Variants in TENM3 observed in about 807,000 individuals in gnomAD.
TENM3 encodes the protein teneurin transmembrane protein 3.
In TENM3, 63 loss-of-function variants were observed where a neutral mutation model predicts 255.1. The ratio of observed to expected loss-of-function variants is 0.25; its 90% CI spans 0.20 to 0.30. The LOEUF (loss-of-function observed/expected upper bound fraction) is 0.30, where lower values mean the gene tolerates loss of function less well. TENM3 is among the 10% of genes least tolerant of loss of function. TENM3 has a pLI of 1.00. For synonymous variants in TENM3, 1,306 were observed against 1,322.3 expected (o/e 0.99, Z 0.27); for missense variants, 2,929 against 3,461.1 (o/e 0.85, Z 3.86).
At chr4:181,733,207 T>C in the TENM3 span, among the ~76,000 whole-genome samples, 1 of 152,174 alleles carries the variant, frequency 6.6e-6, no homozygotes, top group East Asian at 1.9e-4. Flanking sequence ...TGAAGACAGA[T>C]AAATGAAGAA....
the TENM3 span, among the ~76,000 whole-genome samples, chr4:181,593,733 T>C: frequency 6.6e-6 from 1 of 152,222 alleles, no homozygotes; most frequent in Non-Finnish European, 1.5e-5. Flanking sequence ...AAGCTTTTCT[T>C]AGTCCAGCCT....
At chr4:181,849,930 T>TTCTCTCTCTCTCTCTCTCTC in the TENM3 span, among the ~76,000 whole-genome samples, 7 of 84,106 alleles carry the variant, frequency 8.3e-5, no homozygotes, top group African/African-American at 2.4e-4. Context: ...CTCTCTCTCT[T>TTCTCTCTCTCTCTCTCTCTC]TCTCTCTCTC....
At chr4:182,538,349 A>G (rs1054567266) in intron 3 of TENM3, among the ~76,000 whole-genome samples, 2 of 152,240 alleles carry the variant, frequency 1.3e-5, no homozygotes, top group African/African-American at 2.4e-5. Flanking sequence ...ATAAATGTCA[A>G]GTCACCACTC....
chr4:182,475,245 A>G (rs992374368), intron 3 of TENM3, among the ~76,000 whole-genome samples: 6 of 152,190 alleles, frequency 3.9e-5, no homozygotes, highest in African/African-American at 9.6e-5. Flanking sequence ...TTAGATGCCT[A>G]TGCCTAAGTT....
the TENM3 span, among the ~76,000 whole-genome samples, chr4:181,741,291 T>A: frequency 2.6e-5 from 4 of 152,202 alleles, no homozygotes; most frequent in African/African-American, 9.6e-5. Flanking sequence ...CATACCACAT[T>A]CATTCATCAT....
intron 6 of TENM3, among the ~76,000 whole-genome samples, chr4:182,665,087 C>T (rs917074699): frequency 3.9e-5 from 6 of 152,136 alleles, no homozygotes; most frequent in African/African-American, 1.4e-4. Context: ...GTTTTCATAG[C>T]TAGAGAGGAG....
intron 3 of TENM3, among the ~76,000 whole-genome samples, chr4:182,448,053 G>C (rs1773072690): frequency 6.6e-6 from 1 of 152,224 alleles, no homozygotes; most frequent in Non-Finnish European, 1.5e-5. Context: ...TCCGGATCAG[G>C]GCTGTCCAGC....
the TENM3 span, among the ~76,000 whole-genome samples, chr4:181,661,091 A>G: frequency 7.9e-5 from 12 of 152,202 alleles, no homozygotes; most frequent in Admixed American, 7.2e-4. Context: ...ACATTTCTCA[A>G]CAATATCAAG....
intron 1 of TENM3, among the ~76,000 whole-genome samples, chr4:182,249,623 T>TC (rs1419036343): frequency 6.6e-6 from 1 of 151,914 alleles, no homozygotes; most frequent in Non-Finnish European, 1.5e-5. Context: ...GAAATGTACG[T>TC]CCCCCCACAG....
At chr4:181,605,875 C>G in the TENM3 span, among the ~76,000 whole-genome samples, 1 of 152,158 alleles carries the variant, frequency 6.6e-6, no homozygotes, top group Non-Finnish European at 1.5e-5. Flanking sequence ...TAAATTTTGA[C>G]TTGATTTTTC....
chr4:182,656,152 A>G (rs1467687263), intron 6 of TENM3, among the ~76,000 whole-genome samples: 3 of 152,162 alleles, frequency 2.0e-5, no homozygotes, highest in Non-Finnish European at 2.9e-5. Context: ...CTAGATGTGT[A>G]AAAGTCTCCT....
intron 24 of TENM3, among the ~76,000 whole-genome samples, chr4:182,782,845 A>C (rs1351412638): frequency 5.5e-5 from 8 of 145,806 alleles, no homozygotes; most frequent in South Asian, 2.3e-4. Flanking sequence ...TTGTTGGTTT[A>C]AAGTCTGTTT....
At chr4:182,119,399 G>A in the TENM3 span, among the ~76,000 whole-genome samples, 1 of 152,108 alleles carries the variant, frequency 6.6e-6, no homozygotes, top group Non-Finnish European at 1.5e-5. Flanking sequence ...TTATCTCTCA[G>A]ACTTGGCCAC....
the TENM3 span, among the ~76,000 whole-genome samples, chr4:182,026,069 T>C: frequency 6.6e-6 from 1 of 152,156 alleles, no homozygotes; most frequent in African/African-American, 2.4e-5. Context: ...AGTGAGAACA[T>C]GTGGTGTTTG....
the TENM3 span, among the ~76,000 whole-genome samples, chr4:182,100,810 CATATATAT>C: frequency 0.51 from 3,218 of 6,340 alleles, 839 homozygotes; most frequent in East Asian, 0.65. Context: ...TATATATACA[CATATATAT>C]ACACATATAT....
chr4:181,605,565 AGAAAGAGAG>A, the TENM3 span, among the ~76,000 whole-genome samples: 3 of 29,864 alleles, frequency 1.0e-4, no homozygotes, highest in African/African-American at 2.0e-4. Flanking sequence ...AAAGAAAGAA[AGAAAGAGAG>A]AGAAAGAAAG....
chr4:182,466,658 C>G (rs552614202), intron 3 of TENM3, among the ~76,000 whole-genome samples: 95 of 152,082 alleles, frequency 6.2e-4, no homozygotes, highest in Middle Eastern at 3.4e-3. Flanking sequence ...TTATAAGAAC[C>G]CTGTCTTTGG....
intron 3 of TENM3, among the ~76,000 whole-genome samples, chr4:182,504,085 G>C (rs921202441): frequency 7.9e-5 from 12 of 151,850 alleles, no homozygotes; most frequent in African/African-American, 2.9e-4. Flanking sequence ...CAGAGATGTT[G>C]GTTTTTGTTT....
At chr4:181,968,515 G>A in the TENM3 span, among the ~76,000 whole-genome samples, 18 of 152,196 alleles carry the variant, frequency 1.2e-4, no homozygotes, top group South Asian at 3.7e-3. Context: ...GTTCTTCTTT[G>A]GTTTGCTTCC....
Sources: allele counts gnomAD v4.1 joint callset (sites outside exome capture counted in the v4.1 genomes callset), GRCh38; gene constraint gnomAD v4.1.1; transcripts MANE v1.5; gene names NCBI Gene and HGNC (gene_info 2026-07-23, HGNC 2026-07-21).